Variants in SPECC1 observed in about 807,000 individuals in gnomAD.
SPECC1 encodes cytospin-B.
A neutral mutation model predicts 104.1 loss-of-function variants in SPECC1; 62 were observed. That is an observed-to-expected ratio of 0.60 (90% confidence interval 0.49 to 0.74). SPECC1 has a LOEUF of 0.74. Ranked by LOEUF, SPECC1 falls within the 30% of genes least tolerant of loss-of-function variation. The pLI, the probability that SPECC1 is intolerant of heterozygous loss-of-function variation, is 0.00. For missense variants in SPECC1, 1,306 were observed against 1,310.5 expected, an observed-to-expected ratio of 1.00 and a Z score of 0.05; for synonymous variants, 513 against 501.6, an observed-to-expected ratio of 1.02 and a Z score of -0.30.
At chr17:20,159,065 C>T (rs1192426639) in intron 3 of SPECC1, among the ~76,000 whole-genome samples, 1 of 151,976 alleles carries the variant, frequency 6.6e-6, no homozygotes, top group Non-Finnish European at 1.5e-5. Context: ...TAAAGCGATC[C>T]TCCCGAGTAG....
intron 7 of SPECC1, chr17:20,238,257 C>T (rs2039026559): frequency 2.9e-6 from 3 of 1,041,076 alleles, no homozygotes; most frequent in South Asian, 9.2e-5. Flanking sequence ...ATGACAACTA[C>T]ACCAAAGTTT....
chr17:20,042,786 C>A (rs1014973009), intron 1 of SPECC1, among the ~76,000 whole-genome samples: 1 of 152,088 alleles, frequency 6.6e-6, no homozygotes, highest in African/African-American at 2.4e-5. Context: ...TGCTTCAGCT[C>A]CAAGTCTGAG....
chr17:20,018,381 A>G (rs1480797547), intron 1 of SPECC1, among the ~76,000 whole-genome samples: 1 of 152,238 alleles, frequency 6.6e-6, no homozygotes, highest in Non-Finnish European at 1.5e-5. Flanking sequence ...CTTGGAAGGC[A>G]GAAGTATGTG....
chr17:20,056,352 G>C, intron 1 of SPECC1: 1 of 191,382 alleles, frequency 5.2e-6, no homozygotes, highest in Admixed American at 5.0e-5. Context: ...CTGCACTGAA[G>C]CCCAGCAAAC....
chr17:20,257,532 C>T lies in SPECC1; in HGVS notation c.2762C>T (p.Pro921Leu). Residue 921 changes from proline (P) to leucine (L), a missense_variant, in exon 11 of 15, where the codon CCC becomes CTC. Around this residue, in one of 2 missense-constraint regions of SPECC1, gnomAD observed 1,177 missense variants for 1,139.9 expected, o/e 1.03. Transcript: ENST00000395527. ...KSPSLESLSR[P>L]PSLGFGDTRL... ...CCCTCACTAGAGTCACTGAGCAGACCCCCGTCTCTGGGCTTTGGGGACACA... is the reference window on the plus strand; with the variant it reads ...CCCTCACTAGAGTCACTGAGCAGACTCCCGTCTCTGGGCTTTGGGGACACA... The T allele has an allele frequency of 1.2e-6, 2 of 1,613,610 alleles. No individual in the cohort carries two copies. The highest frequency in any genetic ancestry group is 1.7e-6 in the Non-Finnish European group (2 of 1,179,896).
chr17:20,018,666 A>G (rs2044245903), intron 1 of SPECC1, among the ~76,000 whole-genome samples: 1 of 152,250 alleles, frequency 6.6e-6, no homozygotes, highest in African/African-American at 2.4e-5. Flanking sequence ...GTAATTTATT[A>G]CAGTGAAAGG....
At chr17:20,044,706 G>A (rs1329351685) in intron 1 of SPECC1, among the ~76,000 whole-genome samples, 1 of 152,144 alleles carries the variant, frequency 6.6e-6, no homozygotes, top group Non-Finnish European at 1.5e-5. Flanking sequence ...TTTTAATAAG[G>A]GTTCCAAATG....
intron 3 of SPECC1, among the ~76,000 whole-genome samples, chr17:20,182,119 C>CTTTTCTT (rs141220000): frequency 1.5e-5 from 2 of 136,580 alleles, no homozygotes; most frequent in African/African-American, 2.8e-5. Context: ...CTTTCTTTTT[C>CTTTTCTT]TTTTTTTTTT....
At chr17:20,134,605 T>C (rs769758379) in intron 3 of SPECC1, among the ~76,000 whole-genome samples, 9 of 152,184 alleles carry the variant, frequency 5.9e-5, no homozygotes, top group Non-Finnish European at 1.2e-4. Context: ...GTACTTCTTA[T>C]TGCTTAGGAA....
intron 1 of SPECC1, among the ~76,000 whole-genome samples, chr17:20,038,214 T>TA (rs1433685734): frequency 6.6e-6 from 1 of 152,002 alleles, no homozygotes; most frequent in Non-Finnish European, 1.5e-5. Flanking sequence ...TTTTCAATTT[T>TA]ACTGATTTAT....
intron 7 of SPECC1, among the ~76,000 whole-genome samples, chr17:20,234,731 C>T (rs1220617464): frequency 2.0e-5 from 3 of 152,192 alleles, no homozygotes; most frequent in African/African-American, 7.2e-5. Flanking sequence ...ATGAGATTAC[C>T]TGGTTCTTAA....
At chr17:20,297,203 A>G (rs1598160855) in intron 13 of SPECC1, 126 bp downstream of exon 13, 1 of 713,602 alleles carries the variant, frequency 1.4e-6, no homozygotes, top group Non-Finnish European at 2.4e-6. Flanking sequence ...CCAGGTACAG[A>G]TAACTCCTGA....
chr17:20,147,184 G>A (rs896776108), intron 3 of SPECC1, among the ~76,000 whole-genome samples: 1 of 149,026 alleles, frequency 6.7e-6, no homozygotes, highest in Non-Finnish European at 1.5e-5. Context: ...TGATTCTCCT[G>A]CCTCAGCCTC....
At chr17:20,279,222 T>G (rs2040676145) in intron 12 of SPECC1, among the ~76,000 whole-genome samples, 1 of 152,226 alleles carries the variant, frequency 6.6e-6, no homozygotes, top group South Asian at 2.1e-4. Context: ...AAGAAGTAAT[T>G]TCATGGCAAG....
chr17:20,285,789 C>T (rs2040923754), intron 12 of SPECC1, among the ~76,000 whole-genome samples: 6 of 147,850 alleles, frequency 4.1e-5, no homozygotes. Flanking sequence ...CTCTCCCCTT[C>T]CCTCCCTCCC....
intron 12 of SPECC1, among the ~76,000 whole-genome samples, chr17:20,263,191 C>T (rs1385712329): frequency 6.7e-6 from 1 of 149,990 alleles, no homozygotes; most frequent in African/African-American, 2.4e-5. Context: ...GCCGAGGACA[C>T]GGGAAAGAAT....
chr17:20,029,149 T>TG (rs1482212175), intron 1 of SPECC1, among the ~76,000 whole-genome samples: 1 of 152,042 alleles, frequency 6.6e-6, no homozygotes, highest in African/African-American at 2.4e-5. Context: ...TCCATGAACA[T>TG]GGGATAGTTT....
intron 12 of SPECC1, among the ~76,000 whole-genome samples, chr17:20,283,171 C>T (rs987996728): frequency 7.2e-5 from 11 of 152,306 alleles, no homozygotes; most frequent in Middle Eastern, 3.4e-3. Context: ...GCAGCAGAGC[C>T]AGACCCTATC....
chr17:20,254,420 G>T (rs997815922), intron 10 of SPECC1, among the ~76,000 whole-genome samples: 3 of 152,142 alleles, frequency 2.0e-5, no homozygotes, highest in Admixed American at 2.0e-4. Context: ...GAAATAATCC[G>T]GTCCACTTCC....
Sources: allele counts gnomAD v4.1 joint callset (sites outside exome capture counted in the v4.1 genomes callset), GRCh38; gene constraint gnomAD v4.1.1; regional missense constraint gnomAD v4.1.1; transcripts MANE v1.5; gene names NCBI Gene and HGNC (gene_info 2026-07-23, HGNC 2026-07-21).